Variants in ZNF398 observed in about 807,000 individuals in gnomAD.
ZNF398 encodes zinc finger protein 398.
In ZNF398, 18 loss-of-function variants were observed where a neutral mutation model predicts 41.9. The ratio of observed to expected loss-of-function variants is 0.43; its 90% CI spans 0.30 to 0.64. The LOEUF (loss-of-function observed/expected upper bound fraction) is 0.64, where lower values mean the gene tolerates loss of function less well. Ranked by LOEUF, ZNF398 falls within the 30% of genes least tolerant of loss-of-function variation. ZNF398 has a pLI of 0.14. For missense variants in ZNF398, 669 were observed against 822.8 expected, an observed-to-expected ratio of 0.81 and a Z score of 2.29; for synonymous variants, 260 against 308.8, an observed-to-expected ratio of 0.84 and a Z score of 1.66.
Position 149,180,852 on chromosome 7 carries a change from T to C in ZNF398, c.*1051T>C, listed in dbSNP as rs539537295. ...CAGTAGTGAGATGATAACAGTGTTA[T>C]AATGCAGCTTCCTTGAGCCATCAGA... On this transcript the variant is annotated 3_prime_UTR_variant, in exon 6 of 6. Transcript: ENST00000475153. The C allele has an allele frequency of 6.6e-6, 1 of 152,238 alleles. No homozygotes were observed. Among genetic ancestry groups the C allele is most frequent in the African/African-American group, 2.4e-5 (1 of 41,468 alleles). The allele number at this position is 152,238 out of a possible 1,614,324, so 9.4% of individuals were successfully genotyped here.
chr7:149,183,041 AAG>A (rs1491012637), exon 6 of ZNF398, among the ~76,000 whole-genome samples: 1 of 150,662 alleles, frequency 6.6e-6, no homozygotes, highest in Non-Finnish European at 1.5e-5. Context: ...AAAAAAAAAA[AAG>A]GACCTCATTC....
upstream of ZNF398, among the ~76,000 whole-genome samples, chr7:149,143,739 G>A (rs113876704): frequency 3.3e-5 from 5 of 152,254 alleles, no homozygotes; most frequent in African/African-American, 1.2e-4. Flanking sequence ...TTGAACCCGG[G>A]AGGCAGAGGT....
upstream of ZNF398, among the ~76,000 whole-genome samples, chr7:149,144,780 G>A (rs1414002987): frequency 1.3e-5 from 2 of 151,702 alleles, no homozygotes; most frequent in African/African-American, 4.8e-5. Context: ...GTAGAGATGG[G>A]GTTTCACCGT....
At chr7:149,153,295 C>G (rs1794899973) in intron 1 of ZNF398, among the ~76,000 whole-genome samples, 1 of 152,066 alleles carries the variant, frequency 6.6e-6, no homozygotes, top group South Asian at 2.1e-4. Flanking sequence ...AATGAGACAC[C>G]AAGACCCCGT....
At position 149,177,506 on chromosome 7, in the gene ZNF398, C is replaced by A. The variant is rs1040167977; in HGVS notation, c.775+925C>A. Among the ~76,000 whole-genome samples the A allele has an allele frequency of 2.6e-5, 4 of 152,088 alleles. No individual in the cohort carries two copies. In the East Asian group the frequency reaches 7.7e-4, roughly 29 times the overall value. The stretch of plus-strand genomic sequence containing the variant: ...AGACCTAAAGAAGGGCATAAAGCCA[C>A]AATTGTACCTTAAAAGATTGGTATG... On this transcript the variant is annotated intron_variant, in intron 5 of 5. Transcript: ENST00000475153.
chr7:149,158,635 G>C (rs1795033772), intron 2 of ZNF398, among the ~76,000 whole-genome samples: 1 of 152,026 alleles, frequency 6.6e-6, no homozygotes. Flanking sequence ...AGGAGTTGGA[G>C]ACCAGCCTGA....
At chr7:149,138,966 C>G (rs1278584792) in intron 2 of ZNF398, among the ~76,000 whole-genome samples, 11 of 143,622 alleles carry the variant, frequency 7.7e-5, no homozygotes, top group Non-Finnish European at 1.6e-4. Flanking sequence ...GGCTGGAGTA[C>G]AGTGACGCAT....
upstream of ZNF398, among the ~76,000 whole-genome samples, chr7:149,142,861 C>T (rs1363442062): frequency 6.6e-6 from 1 of 152,080 alleles, no homozygotes; most frequent in Non-Finnish European, 1.5e-5. Flanking sequence ...TAAACGGAAA[C>T]GCACGAACGT....
At chr7:149,178,147 T>G (rs1435473929) in intron 5 of ZNF398, among the ~76,000 whole-genome samples, 1 of 151,918 alleles carries the variant, frequency 6.6e-6, no homozygotes, top group Non-Finnish European at 1.5e-5. Flanking sequence ...AAAAAATTAG[T>G]TGGGCGTAGT....
At chr7:149,128,404 G>C (rs1826529106) in intron 1 of ZNF398, among the ~76,000 whole-genome samples, 1 of 152,150 alleles carries the variant, frequency 6.6e-6, no homozygotes, top group South Asian at 2.1e-4. Flanking sequence ...ATGTCTCATA[G>C]TGACTGTCTT....
chr7:149,170,343 ATAT>A (rs1298792928), intron 4 of ZNF398, among the ~76,000 whole-genome samples: 1 of 152,186 alleles, frequency 6.6e-6, no homozygotes, highest in Non-Finnish European at 1.5e-5. Context: ...CTTGTACAGC[ATAT>A]TATTGTCCTG....
intron 2 of ZNF398, among the ~76,000 whole-genome samples, chr7:149,161,513 A>G (rs1795103935): frequency 6.6e-6 from 1 of 152,228 alleles, no homozygotes; most frequent in African/African-American, 2.4e-5. Flanking sequence ...TATAGTGAGC[A>G]ATGATCACAT....
At chr7:149,167,064 G>T in intron 4 of ZNF398, 134 bp downstream of exon 4, 1 of 604,672 alleles carries the variant, frequency 1.7e-6, no homozygotes, top group Admixed American at 3.2e-5. Flanking sequence ...GTGTCATCAG[G>T]CATTTAAATA....
At chr7:149,133,698 T>TAC (rs1826651219) in intron 2 of ZNF398, among the ~76,000 whole-genome samples, 4 of 77,982 alleles carry the variant, frequency 5.1e-5, no homozygotes, top group South Asian at 7.6e-4. Flanking sequence ...TGTGTGTATA[T>TAC]ATATATACAC....
At chr7:149,155,227 C>T (rs971171978) in intron 2 of ZNF398, among the ~76,000 whole-genome samples, 1 of 152,154 alleles carries the variant, frequency 6.6e-6, no homozygotes, top group Non-Finnish European at 1.5e-5. Flanking sequence ...CAAGACTGGC[C>T]TGGCCAACAA....
chr7:149,161,840 C>G (rs960735104), intron 2 of ZNF398, among the ~76,000 whole-genome samples: 1 of 149,728 alleles, frequency 6.7e-6, no homozygotes, highest in African/African-American at 2.4e-5. Flanking sequence ...TTGTTAAAAG[C>G]CCAAATACAG....
At chr7:149,137,055 C>T (rs755276835) in intron 2 of ZNF398, among the ~76,000 whole-genome samples, 7 of 151,856 alleles carry the variant, frequency 4.6e-5, no homozygotes, top group Admixed American at 2.0e-4. Context: ...TTAGCAGAGA[C>T]GGGGTTTCAC....
At chr7:149,150,773 G>A (rs984447293) in intron 1 of ZNF398, among the ~76,000 whole-genome samples, 28 of 151,536 alleles carry the variant, frequency 1.8e-4, no homozygotes, top group South Asian at 4.2e-4. Flanking sequence ...GCAGTGGCAC[G>A]ATTTCAGCTC....
chr7:149,167,752 A>G (rs766421623), intron 4 of ZNF398, among the ~76,000 whole-genome samples: 27 of 149,294 alleles, frequency 1.8e-4, no homozygotes, highest in Non-Finnish European at 2.7e-4. Context: ...CTGGGACTAC[A>G]GGCGCCCGCC....
Sources: gnomAD v4.1 joint callset for allele counts (sites outside exome capture counted in the v4.1 genomes callset) on GRCh38, gnomAD v4.1.1 for gene constraint, MANE v1.5 for transcripts, NCBI Gene and HGNC (gene_info 2026-07-23, HGNC 2026-07-21) for gene names.